The following LRP12 variants were observed in gnomAD, a reference collection of about 807,000 sequenced individuals.
The protein encoded by LRP12 is low-density lipoprotein receptor-related protein 12.
A neutral mutation model predicts 66.0 loss-of-function variants in LRP12; 14 were observed. That is an observed-to-expected ratio of 0.21 (90% confidence interval 0.14 to 0.33). LRP12 has a LOEUF of 0.33. Among genes scored for constraint, LRP12 ranks in the 10% least tolerant of loss-of-function variants. The probability of loss-of-function intolerance (pLI) is 1.00; values close to 1 mark genes in which losing one functional copy is unlikely to be tolerated. For synonymous variants in LRP12, 357 were observed against 359.1 expected, an observed-to-expected ratio of 0.99 and a Z score of 0.07; for missense variants, 889 against 1,053.4, an observed-to-expected ratio of 0.84 and a Z score of 2.16.
rs1352346406 is a variant in LRP12, at chr8:104,497,232, T to C, written c.1320A>G (p.Pro440=). The change falls in exon 5 of 7, where the codon CCA becomes CCG. Residue 440 remains proline (P), a synonymous_variant. Coordinates refer to ENST00000276654, the MANE Select transcript of LRP12 (RefSeq NM_013437.5). The surrounding 1 kb of genome is among the most constrained non-coding windows in gnomAD (Gnocchi z 4.3). The part of the protein sequence containing the change: ...SDRCNYQNHC[P]NGSDEKNCFF... ...AGCAGTTTTTTTCATCTGAGCCATT[T>C]GGGCAATGATTCTGGTAGTTGCAGC... 1.9e-6 allele frequency: 3 copies of C among 1,613,708 alleles called. No individual in the cohort carries two copies. The highest frequency in any genetic ancestry group is 1.1e-5 in the South Asian group (1 of 90,912).
chr8:104,492,264 C>A (rs116296089), intron 6 of LRP12, among the ~76,000 whole-genome samples: 1,982 of 152,192 alleles, frequency 0.013, 48 homozygotes, highest in African/African-American at 0.044. Flanking sequence ...ATAAATATAT[C>A]ATTCTTTGAA....
intron 3 of LRP12, chr8:104,504,471 T>C (rs1423299394): frequency 6.6e-6 from 1 of 152,196 alleles, no homozygotes; most frequent in Non-Finnish European, 1.5e-5. Context: ...ATTCTTTCAA[T>C]GTATTCTAAC....
chr8:104,580,927 C>T (rs564535697), intron 1 of LRP12, among the ~76,000 whole-genome samples: 2 of 152,318 alleles, frequency 1.3e-5, no homozygotes, highest in South Asian at 4.1e-4. Context: ...AATCCCATTA[C>T]TGGGAATACA....
chr8:104,576,573 A>ACCAGG (rs1198237136), intron 1 of LRP12, among the ~76,000 whole-genome samples: 6 of 152,222 alleles, frequency 3.9e-5, no homozygotes, highest in African/African-American at 1.4e-4. Context: ...GGAATTCGTT[A>ACCAGG]CCACCAGACG....
intron 1 of LRP12, among the ~76,000 whole-genome samples, chr8:104,582,401 C>A (rs1812266880): frequency 6.6e-6 from 1 of 151,994 alleles, no homozygotes; most frequent in African/African-American, 2.4e-5. Context: ...GATAAAAGCT[C>A]AATTTTTCCA....
At chr8:104,513,312 A>G (rs1037250143) in intron 2 of LRP12, among the ~76,000 whole-genome samples, 2 of 152,080 alleles carry the variant, frequency 1.3e-5, no homozygotes, top group Non-Finnish European at 2.9e-5. Flanking sequence ...ATAAACTACT[A>G]AATTTTTGGG....
chr8:104,526,165 C>T (rs1443644304), intron 2 of LRP12, among the ~76,000 whole-genome samples: 13 of 151,872 alleles, frequency 8.6e-5, no homozygotes, highest in South Asian at 4.2e-4. Flanking sequence ...CAAACCACTG[C>T]TCAATGAAAT....
chr8:104,571,842 C>T (rs547881829), intron 1 of LRP12, among the ~76,000 whole-genome samples: 22 of 152,314 alleles, frequency 1.4e-4, no homozygotes, highest in African/African-American at 5.1e-4. Flanking sequence ...CAGTTTCATT[C>T]CAACACCATC....
chr8:104,555,418 A>C (rs1190413983), intron 1 of LRP12, among the ~76,000 whole-genome samples: 2 of 152,162 alleles, frequency 1.3e-5, no homozygotes, highest in Non-Finnish European at 2.9e-5. Context: ...TGCTGTCTGC[A>C]AGAGACTCAT....
At chr8:104,498,436 T>C (rs778431990) in intron 4 of LRP12, among the ~76,000 whole-genome samples, 5 of 146,924 alleles carry the variant, frequency 3.4e-5, no homozygotes, top group Non-Finnish European at 7.5e-5. Context: ...GTGTTCTCAT[T>C]GTTCAGGTCC....
intron 3 of LRP12, chr8:104,508,241 T>C (rs994516124): frequency 1.1e-4 from 17 of 152,322 alleles, no homozygotes; most frequent in Admixed American, 9.2e-4. Flanking sequence ...AGTATCTAGT[T>C]CTACTAAATA....
At chr8:104,578,574 G>A (rs529619281) in intron 1 of LRP12, among the ~76,000 whole-genome samples, 30 of 152,054 alleles carry the variant, frequency 2.0e-4, no homozygotes, top group South Asian at 6.3e-4. Context: ...ACCTGATGGC[G>A]GTTTTGGTAT....
chr8:104,497,718 A>C lies in LRP12; in HGVS notation c.834T>G (p.Phe278Leu), dbSNP rs758203202. The C allele has an allele frequency of 3.1e-6, 5 of 1,613,774 alleles. No individual in the cohort carries two copies. The highest frequency in any genetic ancestry group is 4.2e-6 in the Non-Finnish European group (5 of 1,179,934). Residue 278 changes from phenylalanine to leucine, a missense_variant, in exon 5 of 7, where the codon TTT (phenylalanine) becomes TTG (leucine). By Grantham distance (22) the Phe-to-Leu change is conservative. Transcript: ENST00000276654. The surrounding 1 kb of genome is among the most constrained non-coding windows in gnomAD (Gnocchi z 4.3). ...GTFNSPNYPD[F>L]YPPGSNCTWL... ...AGGTGCAATTGCTTCCAGGAGGATA[A>C]AAGTCTGGATAATTGGGAGAATTAA...
chr8:104,537,515 C>A (rs1811407569), intron 1 of LRP12, among the ~76,000 whole-genome samples: 1 of 152,050 alleles, frequency 6.6e-6, no homozygotes, highest in Non-Finnish European at 1.5e-5. Flanking sequence ...AGTGGAGAGA[C>A]CTTGATAAAC....
At chr8:104,527,329 T>G (rs1431209462) in intron 2 of LRP12, among the ~76,000 whole-genome samples, 2 of 148,762 alleles carry the variant, frequency 1.3e-5, no homozygotes, top group Non-Finnish European at 3.0e-5. Flanking sequence ...ATCCCATTAC[T>G]GGGTATATAC....
chr8:104,556,635 C>CA (rs929968215), intron 1 of LRP12, among the ~76,000 whole-genome samples: 2 of 151,618 alleles, frequency 1.3e-5, no homozygotes, highest in East Asian at 1.9e-4. Context: ...AAATTGTTCA[C>CA]AAAAAAAAGT....
Position 104,497,740 on chromosome 8 carries a change from T to C in LRP12, c.812A>G (p.Asn271Ser), listed in dbSNP as rs1810758786. 6.2e-7 allele frequency: 1 copy of C among 1,613,754 alleles called. No homozygotes were observed. Among genetic ancestry groups the C allele is most frequent in the East Asian group, 2.2e-5 (1 of 44,882 alleles). Residue 271 changes from asparagine to serine, a missense_variant, in exon 5 of 7, where the codon AAT becomes AGT. By Grantham distance (46) the Asn-to-Ser change is conservative (BLOSUM62 1). Around this residue, in one of 3 missense-constraint regions of LRP12, gnomAD observed 800 missense variants for 964.5 expected, o/e 0.83. Transcript: ENST00000276654. The surrounding 1 kb of genome is among the most constrained non-coding windows in gnomAD (Gnocchi z 4.3). ...ATAAAAGTCTGGATAATTGGGAGAA[T>C]TAAAAGTACCATAAAAATATTTTAG... ...QWLKYFYGTF[N>S]SPNYPDFYPP...
In LRP12 at chr8:104,497,363, C is replaced by CA. The variant is rs777857982; in HGVS notation, c.1188dup (p.Gly397TrpfsTer11). On this transcript the variant is annotated frameshift_variant, in exon 5 of 7. Transcript: ENST00000276654. LOFTEE classifies it high-confidence loss of function. The surrounding 1 kb of genome is among the most constrained non-coding windows in gnomAD (Gnocchi z 4.3). ...CTTCCATTTGGGCAATGCCAATACC[C>CA]ATCACAACGCTGCTGCTCAGTATAA... 6.2e-7 allele frequency: 1 copy of CA among 1,613,914 alleles called. No individual in the cohort carries two copies.
chr8:104,545,590 A>G lies in LRP12; in HGVS notation c.80-13627T>C, dbSNP rs189476175. 4.9e-3 allele frequency among the ~76,000 whole-genome samples: 753 copies of G among 152,298 alleles called. 2 individuals are homozygous for G. The highest frequency in any genetic ancestry group is 7.8e-3 in the Non-Finnish European group (529 of 68,024). On this transcript the variant is annotated intron_variant, in intron 1 of 6. Coordinates refer to ENST00000276654, the MANE Select transcript of LRP12 (RefSeq NM_013437.5). The stretch of plus-strand genomic sequence containing the variant: ...CAACACTGAGGCAAGACCTTTAACC[A>G]AGAGAAGAATTGTAACTTGTTAAAG...
Sources: allele counts gnomAD v4.1 joint callset (sites outside exome capture counted in the v4.1 genomes callset), GRCh38; gene constraint gnomAD v4.1.1; regional missense constraint gnomAD v4.1.1; non-coding constraint Gnocchi (gnomAD v3.1); transcripts MANE v1.5; gene names NCBI Gene and HGNC (gene_info 2026-07-23, HGNC 2026-07-21).